The following INO80C variants were observed in gnomAD, a reference collection of about 807,000 sequenced individuals.
The protein encoded by INO80C is IES6 homolog.
A neutral mutation model predicts 17.7 loss-of-function variants in INO80C; 17 were observed. The observed-to-expected ratio is 0.96, with a 90% confidence interval of 0.66 to 1.44. The LOEUF (loss-of-function observed/expected upper bound fraction) is 1.44, where lower values mean the gene tolerates loss of function less well. INO80C is among the 40% of genes most tolerant of loss of function. The pLI is 0.00. For missense variants in INO80C, 244 were observed against 245.0 expected (o/e 1.00, Z 0.03); for synonymous variants, 96 against 95.8 (o/e 1.00, Z -0.01).
chr18:35,468,775 A>T lies in INO80C; in HGVS notation c.448-33T>A, dbSNP rs2045635114. On this transcript the variant is annotated intron_variant, in intron 4 of 4. Transcript: ENST00000334598. The stretch of plus-strand genomic sequence containing the variant: ...AAAAGAGGCACAGGGAAGGGCAGAA[A>T]GTTTTTGCTGGTAGGGATATTTTAA... 4.4e-6 allele frequency: 7 copies of T among 1,598,790 alleles called. No individual in the cohort carries two copies. The East Asian group carries it at 1.6e-4, about 36-fold the overall frequency.
At chr18:35,480,365 C>T in intron 2 of INO80C, 88 bp downstream of exon 2, 1 of 878,894 alleles carries the variant, frequency 1.1e-6, no homozygotes, top group Middle Eastern at 2.3e-4. Context: ...GAGAGAATGC[C>T]AGTGCCACCC....
chr18:35,475,943 G>T (rs1284358151), intron 4 of INO80C, among the ~76,000 whole-genome samples: 2 of 151,654 alleles, frequency 1.3e-5, no homozygotes, highest in Non-Finnish European at 2.9e-5. Context: ...CATACATTTT[G>T]TTTGTAGCAT....
rs116324238 is a variant in INO80C at position 35,484,464 on chromosome 18, T to C, written c.157-3901A>G. On this transcript the variant is annotated intron_variant, in intron 1 of 4. Transcript: ENST00000334598. ...TTCTAAATACAATCAGCCCTCCATA[T>C]AGAGGAGTTCTGCATCCATGGATTC... Among the ~76,000 whole-genome samples, 756 of 152,330 alleles carry C rather than the reference T, an allele frequency of 5.0e-3. 8 individuals carry two copies. The highest frequency in any genetic ancestry group is 0.017 in the African/African-American group (715 of 41,576).
chr18:35,495,588 C>A (rs1900680119), intron 1 of INO80C, among the ~76,000 whole-genome samples: 3 of 152,122 alleles, frequency 2.0e-5, no homozygotes, highest in Admixed American at 2.0e-4. Context: ...TTTCCAGTCT[C>A]CTGAAGGCAT....
rs199794337 is a variant in INO80C at position 35,497,733 on chromosome 18, A to C, written c.142T>G (p.Ser48Ala). The change falls in exon 1 of 5, where the codon TCC becomes GCC. Residue 48 changes from serine (S) to alanine (A), a missense_variant. Ser to Ala is a moderately conservative substitution (Grantham distance 99, BLOSUM62 1). Transcript: ENST00000334598. Reference protein sequence around the residue: ...GASKKKKASASSFAQGISMEA... With the variant: ...GASKKKKASAASFAQGISMEA... ...CGACTGCGTACCTGCGCAAAGCTGG[A>C]AGCGGACGCTTTTTTCTTCTTACTG... The C allele has an allele frequency of 5.6e-6, 9 of 1,612,402 alleles. No individual in the cohort carries two copies. The African/African-American group carries it at 6.7e-5, about 12-fold the overall frequency.
At chr18:35,480,796 G>A (rs1184995470) in intron 1 of INO80C, among the ~76,000 whole-genome samples, 2 of 152,192 alleles carry the variant, frequency 1.3e-5, no homozygotes, top group Non-Finnish European at 1.5e-5. Flanking sequence ...TATGTTTCCC[G>A]GGTACCCTAA....
At position 35,484,741 on chromosome 18, in the gene INO80C, C is replaced by T. The variant is rs530060491; in HGVS notation, c.157-4178G>A. Among the ~76,000 whole-genome samples, 4 of 152,274 alleles carry T rather than the reference C, an allele frequency of 2.6e-5. No homozygotes were observed. In the South Asian group the frequency reaches 8.3e-4, roughly 32 times the overall value. Reference sequence around the variant, plus strand: ...TTGAGGTTCCATGGATTTTGGTACCCATAGGAGGTCCTGGAACCAATCCAG... The same window carrying T: ...TTGAGGTTCCATGGATTTTGGTACCTATAGGAGGTCCTGGAACCAATCCAG... On this transcript the variant is annotated intron_variant, in intron 1 of 4. Coordinates refer to ENST00000334598, the MANE Select transcript of INO80C (RefSeq NM_194281.4).
intron 4 of INO80C, among the ~76,000 whole-genome samples, chr18:35,472,591 C>G (rs188896337): frequency 6.6e-6 from 1 of 152,134 alleles, no homozygotes; most frequent in South Asian, 2.1e-4. Context: ...TGTGTGCACA[C>G]TATTTCTCTA....
At chr18:35,476,448 C>T (rs1040580205) in intron 4 of INO80C, among the ~76,000 whole-genome samples, 1 of 152,158 alleles carries the variant, frequency 6.6e-6, no homozygotes, top group Non-Finnish European at 1.5e-5. Flanking sequence ...ATGTTAATAA[C>T]AGCAGAAACT....
chr18:35,479,548 T>A (rs1476098450), intron 2 of INO80C, 137 bp from the exon 3 acceptor site: 8 of 618,514 alleles, frequency 1.3e-5, no homozygotes, highest in Admixed American at 8.8e-5. Flanking sequence ...AGACTTTTTT[T>A]AAAAGGTATT....
At chr18:35,477,036 G>C (rs1274255350) in intron 4 of INO80C, among the ~76,000 whole-genome samples, 1 of 152,190 alleles carries the variant, frequency 6.6e-6, no homozygotes, top group Non-Finnish European at 1.5e-5. Context: ...TTGAGGTCAG[G>C]AGTTCAAGAC....
chr18:35,479,059 T>G, intron 3 of INO80C: 1 of 362,328 alleles, frequency 2.8e-6, no homozygotes, highest in Non-Finnish European at 5.0e-6. Context: ...ACCAATATTA[T>G]CATATTGGGA....
chr18:35,483,592 T>C (rs2045840033), intron 1 of INO80C: 1 of 152,076 alleles, frequency 6.6e-6, no homozygotes, highest in African/African-American at 2.4e-5. Context: ...TAGCACAGAG[T>C]AGGTACCAAA....
intron 4 of INO80C, among the ~76,000 whole-genome samples, chr18:35,474,568 A>C (rs2045712247): frequency 6.6e-6 from 1 of 151,720 alleles, no homozygotes. Context: ...ACACCTGTAG[A>C]CCTAGCTTCC....
chr18:35,480,681 C>A, intron 1 of INO80C, 118 bp from the exon 2 acceptor site: 1 of 762,872 alleles, frequency 1.3e-6, no homozygotes, highest in Non-Finnish European at 2.2e-6. Context: ...GACAGTATGC[C>A]CAGAGCTCCA....
intron 1 of INO80C, among the ~76,000 whole-genome samples, chr18:35,493,362 C>T (rs1182980374): frequency 6.6e-6 from 1 of 152,168 alleles, no homozygotes; most frequent in Non-Finnish European, 1.5e-5. Flanking sequence ...ACTTTCATAA[C>T]ATTATTAATC....
chr18:35,468,772 G>C, intron 4 of INO80C, 30 bp from the exon 5 acceptor site: 1 of 1,602,458 alleles, frequency 6.2e-7, no homozygotes, highest in Non-Finnish European at 8.5e-7. Context: ...GGGAAGGGCA[G>C]AAAGTTTTTG....
In INO80C at chr18:35,497,892, C is replaced by G. The variant is rs757446845; in HGVS notation, c.-18G>C. On this transcript the variant is annotated 5_prime_UTR_variant, in exon 1 of 5. Coordinates refer to ENST00000334598, the MANE Select transcript of INO80C (RefSeq NM_194281.4). Reference sequence around the variant, plus strand: ...GCCGCCATCGCACTCCGAGTCTTCCCCTGGTCCCCCCACCTTTTTCCCAGC... The same window carrying G: ...GCCGCCATCGCACTCCGAGTCTTCCGCTGGTCCCCCCACCTTTTTCCCAGC... The G allele has an allele frequency of 2.0e-6, 3 of 1,526,302 alleles. No individual in the cohort carries two copies. The highest frequency in any genetic ancestry group is 4.2e-5 in the Admixed American group (2 of 47,634). The allele number at this position is 1,526,302 out of a possible 1,614,324, so 94.5% of individuals were successfully genotyped here.
At chr18:35,494,509 C>T (rs1048795608) in intron 1 of INO80C, among the ~76,000 whole-genome samples, 8 of 152,228 alleles carry the variant, frequency 5.3e-5, no homozygotes, top group African/African-American at 1.7e-4. Context: ...AAGGGAGATT[C>T]TCCATAGCTG....
Sources: gnomAD v4.1 joint callset for allele counts (sites outside exome capture counted in the v4.1 genomes callset) on GRCh38, gnomAD v4.1.1 for gene constraint, MANE v1.5 for transcripts, NCBI Gene and HGNC (gene_info 2026-07-23, HGNC 2026-07-21) for gene names.